The following TBC1D1 variants were observed in gnomAD, a reference collection of about 807,000 sequenced individuals.
TBC1D1 encodes TBC1 domain family member 1, also known as TBC1 (tre-2/USP6, BUB2, cdc16) domain family, member 1.
A neutral mutation model predicts 125.6 loss-of-function variants in TBC1D1; 89 were observed. That is an observed-to-expected ratio of 0.71 (90% confidence interval 0.60 to 0.85). The LOEUF is 0.85. Among genes scored for constraint, TBC1D1 ranks in the 40% least tolerant of loss-of-function variants. The pLI is 0.00. For missense variants in TBC1D1, 1,377 were observed against 1,469.2 expected (o/e 0.94, Z 1.03); for synonymous variants, 565 against 564.1 (o/e 1.00, Z -0.02).
chr4:38,052,315 A>G (rs1336552263), intron 11 of TBC1D1, among the ~76,000 whole-genome samples: 2 of 148,546 alleles, frequency 1.3e-5, no homozygotes, highest in African/African-American at 5.0e-5. Flanking sequence ...TTAATGGCAG[A>G]TTGGTTTGTG....
rs115808432 is a variant in TBC1D1, at chr4:37,935,791, C to T, written c.417+33279C>T. 3.1e-3 allele frequency among the ~76,000 whole-genome samples: 472 copies of T among 152,302 alleles called. 2 individuals are homozygous for T. The highest frequency in any genetic ancestry group is 0.017 in the Middle Eastern group (5 of 292). ...TCCGTTTCCCCTCCAGTCTTACCTTCGCCATTATCCTACCCCTCCCAATGG... is the reference window on the plus strand; with the variant it reads ...TCCGTTTCCCCTCCAGTCTTACCTTTGCCATTATCCTACCCCTCCCAATGG... On this transcript the variant is annotated intron_variant, in intron 2 of 19. Transcript: ENST00000261439.
chr4:37,944,261 C>T (rs1278280581), intron 2 of TBC1D1, among the ~76,000 whole-genome samples: 1 of 152,180 alleles, frequency 6.6e-6, no homozygotes, highest in Non-Finnish European at 1.5e-5. Flanking sequence ...GGGTGCCTCC[C>T]AGTTAGGCTA....
intron 2 of TBC1D1, among the ~76,000 whole-genome samples, chr4:37,971,665 T>A (rs1732053960): frequency 6.6e-6 from 1 of 152,080 alleles, no homozygotes; most frequent in Non-Finnish European, 1.5e-5. Context: ...CCTATTGCTT[T>A]CCACAGAGCA....
intron 8 of TBC1D1, among the ~76,000 whole-genome samples, chr4:38,042,433 T>C (rs1748583769): frequency 6.6e-6 from 1 of 151,840 alleles, no homozygotes; most frequent in Admixed American, 6.6e-5. Flanking sequence ...TTTTATATTT[T>C]TAATAGAGAC....
intron 13 of TBC1D1, among the ~76,000 whole-genome samples, chr4:38,093,360 A>G (rs1424945525): frequency 6.6e-6 from 1 of 152,084 alleles, no homozygotes; most frequent in South Asian, 2.1e-4. Context: ...GAACCATACT[A>G]TGTCATCTCA....
chr4:38,057,578 A>G (rs557537333), intron 12 of TBC1D1, among the ~76,000 whole-genome samples: 1 of 152,344 alleles, frequency 6.6e-6, no homozygotes, highest in South Asian at 2.1e-4. Flanking sequence ...AAGCCGCCTG[A>G]ATTTCTGAAT....
At chr4:38,038,283 TTTC>T (rs1482439649) in intron 8 of TBC1D1, among the ~76,000 whole-genome samples, 1 of 152,254 alleles carries the variant, frequency 6.6e-6, no homozygotes, top group Non-Finnish European at 1.5e-5. Flanking sequence ...TAAGATTTTC[TTTC>T]TTTTTTTGTG....
At position 38,137,508 on chromosome 4, in the gene TBC1D1, C is replaced by T; in HGVS notation, c.*173C>T. The T allele has an allele frequency of 5.3e-6, 5 of 950,470 alleles. No homozygotes were observed. The highest frequency in any genetic ancestry group is 7.0e-6 in the Non-Finnish European group (5 of 714,566). The allele number at this position is 950,470 out of a possible 1,614,324, so 58.9% of individuals were successfully genotyped here. A position where few individuals can be genotyped will look rare whatever the true frequency, so the allele number is the denominator to read the frequency against. On this transcript the variant is annotated 3_prime_UTR_variant, in exon 20 of 20. Transcript: ENST00000261439. The stretch of plus-strand genomic sequence containing the variant: ...CCAACTTGCAATTCAGGGGGCATGT[C>T]CCAGTGTTTTTTTTGTTGTTTTTAG...
At chr4:38,007,406 C>T (rs1740539905) in intron 2 of TBC1D1, among the ~76,000 whole-genome samples, 1 of 152,024 alleles carries the variant, frequency 6.6e-6, no homozygotes, top group South Asian at 2.1e-4. Flanking sequence ...GCGCCTGCCA[C>T]CACGCCTGGT....
chr4:38,115,715 A>G lies in TBC1D1; in HGVS notation c.2563A>G (p.Thr855Ala). 1 of 1,613,300 alleles carries G rather than the reference A, an allele frequency of 6.2e-7. No individual in the cohort carries two copies. The highest frequency in any genetic ancestry group is 8.5e-7 in the Non-Finnish European group (1 of 1,179,538). Residue 855 changes from threonine (T) to alanine (A), a missense_variant, in exon 16 of 20, where the codon ACC (threonine) becomes GCC (alanine). Transcript: ENST00000261439. Reference sequence around the variant, plus strand: ...AATATGTATTCTTTTCACAGGGCGAACCTTTCCTACACACCCATACTTCTC... The same window carrying G: ...AATATGTATTCTTTTCACAGGGCGAGCCTTTCCTACACACCCATACTTCTC...
intron 18 of TBC1D1, among the ~76,000 whole-genome samples, chr4:38,131,378 A>G (rs633059): frequency 0.31 from 46,540 of 152,134 alleles, 7,239 homozygotes; most frequent in Middle Eastern, 0.37. Flanking sequence ...CAGTTTTAAC[A>G]TTTGTGGTTT....
At chr4:37,982,197 C>T (rs1289952598) in intron 2 of TBC1D1, among the ~76,000 whole-genome samples, 12 of 152,146 alleles carry the variant, frequency 7.9e-5, no homozygotes, top group Admixed American at 7.9e-4. Flanking sequence ...GTAGGAGTTG[C>T]CCTTCTGTTT....
chr4:38,082,617 T>G (rs555766955), intron 12 of TBC1D1, among the ~76,000 whole-genome samples: 13 of 152,330 alleles, frequency 8.5e-5, no homozygotes, highest in Admixed American at 6.5e-4. Context: ...CCATGCGTTA[T>G]CTCCTGTCTA....
intron 14 of TBC1D1, among the ~76,000 whole-genome samples, chr4:38,102,404 G>C (rs1760517296): frequency 6.6e-6 from 1 of 152,016 alleles, no homozygotes; most frequent in South Asian, 2.1e-4. Flanking sequence ...TGGAGCTCAG[G>C]TCGTATTCTT....
rs1050815405 is a variant in TBC1D1, at chr4:37,974,995, G to A, written c.418-39514G>A. ...GGGTTTTTTCCCCGTGTGCAGAGACGAGAGAGTGTAGAAATAAAGACATAA... is the reference window on the plus strand; with the variant it reads ...GGGTTTTTTCCCCGTGTGCAGAGACAAGAGAGTGTAGAAATAAAGACATAA... On this transcript the variant is annotated intron_variant, in intron 2 of 19. Transcript: ENST00000261439. Among the ~76,000 whole-genome samples, 7 of 152,326 alleles carry A rather than the reference G, an allele frequency of 4.6e-5. No homozygotes were observed. The East Asian group carries it at 9.7e-4, about 21-fold the overall frequency.
At chr4:38,134,248 G>C (rs1766088209) in intron 19 of TBC1D1, among the ~76,000 whole-genome samples, 1 of 152,118 alleles carries the variant, frequency 6.6e-6, no homozygotes, top group Non-Finnish European at 1.5e-5. Context: ...AGGTGAGAAA[G>C]GCCAGCCTAG....
In TBC1D1 at chr4:38,094,337, T is replaced by C. The variant is rs191954829; in HGVS notation, c.2237-1592T>C. Among the ~76,000 whole-genome samples, 34 of 152,308 alleles carry C rather than the reference T, an allele frequency of 2.2e-4. 1 individual carries two copies. The highest frequency in any genetic ancestry group is 1.2e-3 in the Admixed American group (18 of 15,304). ...CTCAGACATTTGTGTTAAATCATAA[T>C]AAATATTTTAGAGAACTTGGTTGCA... On this transcript the variant is annotated intron_variant, in intron 13 of 19. Transcript: ENST00000261439.
chr4:37,952,006 T>G, intron 2 of TBC1D1: 3 of 717,700 alleles, frequency 4.2e-6, no homozygotes. Flanking sequence ...TGTATTACAG[T>G]GCTCATCATC....
intron 2 of TBC1D1, among the ~76,000 whole-genome samples, chr4:37,918,318 C>T (rs1016090712): frequency 3.3e-5 from 5 of 152,152 alleles, no homozygotes; most frequent in Admixed American, 2.6e-4. Context: ...GAAAGTTGTA[C>T]GTAGCCTTTG....
Sources: allele counts gnomAD v4.1 joint callset (sites outside exome capture counted in the v4.1 genomes callset), GRCh38; gene constraint gnomAD v4.1.1; transcripts MANE v1.5; gene names NCBI Gene and HGNC (gene_info 2026-07-23, HGNC 2026-07-21).